The following RANBP2 variants were observed in gnomAD, a reference collection of about 807,000 sequenced individuals.
RANBP2 encodes RAN binding protein 2.
Under a neutral mutation model 303.6 loss-of-function variants are expected in RANBP2, and 57 were observed. The observed-to-expected ratio is 0.19, with a 90% CI of 0.15 to 0.23. The LOEUF (loss-of-function observed/expected upper bound fraction) is 0.23. Among genes scored for constraint, RANBP2 ranks in the 10% least tolerant of loss-of-function variants. The pLI is 1.00. For synonymous variants in RANBP2, 1,167 were observed against 1,301.5 expected, an observed-to-expected ratio of 0.90 and a Z score of 2.23; for missense variants, 3,138 against 3,780.8, an observed-to-expected ratio of 0.83 and a Z score of 4.46.
the RANBP2 span, among the ~76,000 whole-genome samples, chr2:109,381,904 CAT>C: frequency 1.3e-5 from 2 of 152,022 alleles, no homozygotes; most frequent in African/African-American, 4.8e-5. Context: ...AATGGGCAAA[CAT>C]GTACGTAACA....
chr2:108,977,653 C>T, the RANBP2 span, among the ~76,000 whole-genome samples: 9 of 152,150 alleles, frequency 5.9e-5, no homozygotes, highest in African/African-American at 1.9e-4. Flanking sequence ...GGACGTCCTC[C>T]CTCCTGGGAC....
chr2:109,631,298 C>T, the RANBP2 span, among the ~76,000 whole-genome samples: 2 of 152,176 alleles, frequency 1.3e-5, no homozygotes, highest in African/African-American at 2.4e-5. Flanking sequence ...GCCCTACACT[C>T]CTACCTCCAT....
the RANBP2 span, among the ~76,000 whole-genome samples, chr2:109,028,397 A>T: frequency 6.6e-6 from 1 of 152,220 alleles, no homozygotes; most frequent in African/African-American, 2.4e-5. Flanking sequence ...CCTCCACTGA[A>T]GGAAGAGCCT....
the RANBP2 span, among the ~76,000 whole-genome samples, chr2:109,534,534 C>T: frequency 2.6e-5 from 4 of 152,198 alleles, no homozygotes; most frequent in African/African-American, 9.7e-5. Context: ...AATCCCAGCA[C>T]TTTGGGAGGC....
the RANBP2 span, among the ~76,000 whole-genome samples, chr2:109,486,597 T>C: frequency 1.3e-5 from 2 of 152,202 alleles, no homozygotes; most frequent in Non-Finnish European, 2.9e-5. Context: ...TCTCAGCAGC[T>C]CAGCGAGGCA....
intron 1 of RANBP2, among the ~76,000 whole-genome samples, chr2:108,723,905 A>C (rs1558868527): frequency 6.6e-6 from 1 of 152,092 alleles, no homozygotes; most frequent in Non-Finnish European, 1.5e-5. Flanking sequence ...TGATTGATTG[A>C]TTGATTGATT....
the RANBP2 span, among the ~76,000 whole-genome samples, chr2:109,384,731 C>A: frequency 6.6e-6 from 1 of 152,154 alleles, no homozygotes; most frequent in Non-Finnish European, 1.5e-5. Context: ...GTGTAAAATG[C>A]ATGTGGAGGG....
chr2:109,673,149 G>C, the RANBP2 span, among the ~76,000 whole-genome samples: 84 of 152,298 alleles, frequency 5.5e-4, no homozygotes, highest in African/African-American at 2.0e-3. Context: ...ACTGGGCATA[G>C]AGTCAGCAGA....
chr2:109,224,732 C>T, the RANBP2 span, among the ~76,000 whole-genome samples: 1 of 152,128 alleles, frequency 6.6e-6, no homozygotes, highest in Non-Finnish European at 1.5e-5. Context: ...TGGTGGGCAC[C>T]TGTAATCCCA....
the RANBP2 span, among the ~76,000 whole-genome samples, chr2:108,963,498 C>A: frequency 6.6e-6 from 1 of 152,122 alleles, no homozygotes; most frequent in East Asian, 1.9e-4. Context: ...GATCCCATGT[C>A]CCCGTTACCC....
chr2:109,343,633 G>T, the RANBP2 span, among the ~76,000 whole-genome samples: 1 of 152,066 alleles, frequency 6.6e-6, no homozygotes, highest in African/African-American at 2.4e-5. Flanking sequence ...TACCAGACTC[G>T]AGCCCAGCAG....
chr2:108,742,593 C>T (rs1467192393), intron 7 of RANBP2, among the ~76,000 whole-genome samples: 3 of 152,026 alleles, frequency 2.0e-5, no homozygotes, highest in African/African-American at 4.8e-5. Flanking sequence ...CATAAGCCAC[C>T]GAGCCCGGCC....
the RANBP2 span, among the ~76,000 whole-genome samples, chr2:109,263,097 C>T: frequency 1.4e-4 from 22 of 152,144 alleles, no homozygotes; most frequent in South Asian, 4.1e-4. Flanking sequence ...TCACCCACCT[C>T]GGCCTCCCAA....
chr2:109,297,281 C>T, the RANBP2 span, among the ~76,000 whole-genome samples: 6 of 152,098 alleles, frequency 3.9e-5, no homozygotes, highest in African/African-American at 9.7e-5. Flanking sequence ...AAATGCTGTA[C>T]GTAACAGAGA....
At chr2:109,720,722 T>C in the RANBP2 span, among the ~76,000 whole-genome samples, 2 of 152,184 alleles carry the variant, frequency 1.3e-5, no homozygotes, top group Admixed American at 1.3e-4. Context: ...ATCTCCTTAG[T>C]TTTCACATGT....
the RANBP2 span, chr2:109,614,236 T>A: frequency 1.3e-6 from 1 of 799,786 alleles, no homozygotes; most frequent in African/African-American, 1.8e-5. Context: ...CCGCCCTAGG[T>A]AGGTGTGGCC....
the RANBP2 span, among the ~76,000 whole-genome samples, chr2:108,851,462 C>T: frequency 6.6e-6 from 1 of 152,076 alleles, no homozygotes; most frequent in South Asian, 2.1e-4. Flanking sequence ...CCACCATGCC[C>T]AGCTAATTTT....
chr2:109,518,357 A>G, the RANBP2 span, among the ~76,000 whole-genome samples: 4,241 of 152,232 alleles, frequency 0.028, 217 homozygotes, highest in African/African-American at 0.096. Context: ...CAAGCACCCT[A>G]TGAGGACTCT....
chr2:109,297,035 C>T, the RANBP2 span, among the ~76,000 whole-genome samples: 2 of 152,110 alleles, frequency 1.3e-5, no homozygotes, highest in East Asian at 3.9e-4. Flanking sequence ...ATGCCTGGCC[C>T]TGGGTATTTG....
Sources: gnomAD v4.1 joint callset for allele counts (sites outside exome capture counted in the v4.1 genomes callset) on GRCh38, gnomAD v4.1.1 for gene constraint, MANE v1.5 for transcripts, NCBI Gene and HGNC (gene_info 2026-07-23, HGNC 2026-07-21) for gene names.